The following ZFPM2 variants were observed in gnomAD, a reference collection of about 807,000 sequenced individuals.
ZFPM2 encodes zinc finger protein, FOG family member 2, also known as zinc finger protein ZFPM2.
Under a neutral mutation model 98.6 loss-of-function variants are expected in ZFPM2, and 20 were observed. The observed-to-expected ratio is 0.20, with a 90% CI of 0.14 to 0.29. The LOEUF (loss-of-function observed/expected upper bound fraction) is 0.29, where lower values mean the gene tolerates loss of function less well. ZFPM2 is among the 10% of genes least tolerant of loss of function. The pLI, the probability that ZFPM2 is intolerant of heterozygous loss-of-function variation, is 1.00. For synonymous variants in ZFPM2, 518 were observed against 502.7 expected, an observed-to-expected ratio of 1.03 and a Z score of -0.41; for missense variants, 1,310 against 1,388.6, an observed-to-expected ratio of 0.94 and a Z score of 0.90.
intron 5 of ZFPM2, among the ~76,000 whole-genome samples, chr8:105,634,599 C>T (rs1816813373): frequency 6.6e-6 from 1 of 151,970 alleles, no homozygotes; most frequent in Admixed American, 6.6e-5. Flanking sequence ...TTTACCTAAC[C>T]CTGTATTTGA....
rs75310198 is a variant in ZFPM2, at chr8:105,788,586, C to G, written c.533-132C>G. 562 of 851,660 alleles carry G rather than the reference C, an allele frequency of 6.6e-4. 3 individuals carry two copies. In the African/African-American group the frequency reaches 8.0e-3, roughly 12 times the overall value. 52.8% of individuals were successfully genotyped at this position (851,660 alleles called of 1,614,324 possible). A position where few individuals can be genotyped will look rare whatever the true frequency, so the allele number is the denominator to read the frequency against. On this transcript the variant is annotated intron_variant, in intron 5 of 7. Coordinates refer to ENST00000407775, the MANE Select transcript of ZFPM2 (RefSeq NM_012082.4). ...GAAGCAAGAGGAACACAGCTGTTGC[C>G]TTGATCAAACACTCCACTCCAGTAG...
chr8:105,542,305 A>T (rs1190408911), intron 3 of ZFPM2, among the ~76,000 whole-genome samples: 3 of 152,178 alleles, frequency 2.0e-5, no homozygotes, highest in African/African-American at 7.2e-5. Flanking sequence ...AATTGTATGA[A>T]ACCTGAGGTG....
chr8:105,629,917 T>G (rs1256691393), intron 4 of ZFPM2, among the ~76,000 whole-genome samples: 1 of 152,186 alleles, frequency 6.6e-6, no homozygotes, highest in Admixed American at 6.5e-5. Flanking sequence ...TGGGCCCATC[T>G]GGATAGTCTA....
Position 105,742,689 on chromosome 8 carries a change from C to G in ZFPM2, c.533-46029C>G, listed in dbSNP as rs564718295. On this transcript the variant is annotated intron_variant, in intron 5 of 7. Transcript: ENST00000407775. ...GGCCAGTCACCTGAGGTTAGGAGTT[C>G]AAGACCAGCCTGACCAACATGGTGA... 1.8e-4 allele frequency among the ~76,000 whole-genome samples: 28 copies of G among 152,086 alleles called. No individual in the cohort carries two copies. In the South Asian group the frequency reaches 2.1e-3, roughly 11 times the overall value.
intron 5 of ZFPM2, among the ~76,000 whole-genome samples, chr8:105,722,875 G>A (rs980114755): frequency 4.0e-5 from 6 of 151,876 alleles, no homozygotes; most frequent in African/African-American, 1.4e-4. Flanking sequence ...AAATGTTTCT[G>A]TATTATACCA....
At chr8:105,570,556 A>G (rs1815332937) in intron 4 of ZFPM2, among the ~76,000 whole-genome samples, 1 of 152,178 alleles carries the variant, frequency 6.6e-6, no homozygotes, top group Non-Finnish European at 1.5e-5. Context: ...GTGGATGAAA[A>G]TACATTGTCA....
intron 5 of ZFPM2, among the ~76,000 whole-genome samples, chr8:105,772,818 A>G (rs1352288091): frequency 6.6e-6 from 1 of 152,200 alleles, no homozygotes; most frequent in Non-Finnish European, 1.5e-5. Context: ...CAGAAAATTT[A>G]GCCCTAGTCA....
intron 4 of ZFPM2, among the ~76,000 whole-genome samples, 164 bp downstream of exon 4, chr8:105,561,645 G>T (rs1404286287): frequency 2.0e-5 from 3 of 152,118 alleles, no homozygotes; most frequent in African/African-American, 7.2e-5. Context: ...CAAGTGGTTT[G>T]TGTCTGACAG....
chr8:105,577,775 CAAAA>C (rs5893750), intron 4 of ZFPM2, among the ~76,000 whole-genome samples: 1 of 111,300 alleles, frequency 9.0e-6, no homozygotes. Context: ...GTGAGGAAAC[CAAAA>C]AAAAAAAAAA....
chr8:105,710,585 C>T (rs1811361073), intron 5 of ZFPM2, among the ~76,000 whole-genome samples: 1 of 151,304 alleles, frequency 6.6e-6, no homozygotes, highest in African/African-American at 2.4e-5. Flanking sequence ...TCAATTTTAC[C>T]CTAGAAAATA....
At chr8:105,334,435 T>C (rs1812290363) in intron 1 of ZFPM2, among the ~76,000 whole-genome samples, 1 of 151,668 alleles carries the variant, frequency 6.6e-6, no homozygotes. Flanking sequence ...CAAGTGAAGA[T>C]TATGCTCACT....
intron 1 of ZFPM2, among the ~76,000 whole-genome samples, chr8:105,322,001 AT>A (rs199799900): frequency 1.1e-4 from 16 of 151,494 alleles, no homozygotes; most frequent in African/African-American, 2.4e-4. Flanking sequence ...CAAAATTCAG[AT>A]TTTTTTTTCC....
chr8:105,325,536 A>G (rs1812098737), intron 1 of ZFPM2, among the ~76,000 whole-genome samples: 3 of 151,908 alleles, frequency 2.0e-5, no homozygotes, highest in South Asian at 2.1e-4. Context: ...CAAAATATCA[A>G]TATAGAAAGT....
At chr8:105,754,298 T>C (rs1812545436) in intron 5 of ZFPM2, among the ~76,000 whole-genome samples, 1 of 152,182 alleles carries the variant, frequency 6.6e-6, no homozygotes, top group Non-Finnish European at 1.5e-5. Flanking sequence ...TTATTTAATT[T>C]AAAAGCAAAT....
chr8:105,517,582 G>A (rs1422320665), intron 3 of ZFPM2, among the ~76,000 whole-genome samples: 1 of 151,876 alleles, frequency 6.6e-6, no homozygotes, highest in Non-Finnish European at 1.5e-5. Flanking sequence ...GGATGCAATG[G>A]TTCACGCCTG....
intron 3 of ZFPM2, among the ~76,000 whole-genome samples, chr8:105,501,476 C>T (rs572094700): frequency 3.3e-5 from 5 of 150,706 alleles, no homozygotes; most frequent in South Asian, 4.2e-4. Context: ...TGAGCCACTG[C>T]GCCCAGCTCA....
intron 1 of ZFPM2, among the ~76,000 whole-genome samples, chr8:105,407,118 T>C (rs1811476829): frequency 6.6e-6 from 1 of 151,748 alleles, no homozygotes; most frequent in African/African-American, 2.4e-5. Flanking sequence ...ATTTTTTTTT[T>C]TTTTTTTGCA....
At position 105,543,156 on chromosome 8, in the gene ZFPM2, C is replaced by T. The variant is rs140754378; in HGVS notation, c.302-18207C>T. Among the ~76,000 whole-genome samples the T allele has an allele frequency of 3.5e-3, 530 of 152,242 alleles. 4 individuals are homozygous for T. The highest frequency in any genetic ancestry group is 0.012 in the African/African-American group (496 of 41,554). ...AAATTAAAATCTCCTGGATTAAAGTCGTCTGAAGAATTTACCTCTATCTCC... is the reference window on the plus strand; with the variant it reads ...AAATTAAAATCTCCTGGATTAAAGTTGTCTGAAGAATTTACCTCTATCTCC... On this transcript the variant is annotated intron_variant, in intron 3 of 7. Transcript: ENST00000407775.
At chr8:105,417,265 G>A (rs1811696912) in intron 1 of ZFPM2, among the ~76,000 whole-genome samples, 1 of 152,096 alleles carries the variant, frequency 6.6e-6, no homozygotes, top group African/African-American at 2.4e-5. Flanking sequence ...AATGAAAATA[G>A]TCATAATTCT....
Sources: gnomAD v4.1 joint callset for allele counts (sites outside exome capture counted in the v4.1 genomes callset) on GRCh38, gnomAD v4.1.1 for gene constraint, MANE v1.5 for transcripts, NCBI Gene and HGNC (gene_info 2026-07-23, HGNC 2026-07-21) for gene names.